The following PIK3C2G variants were observed in gnomAD, a reference collection of about 807,000 sequenced individuals.
PIK3C2G encodes the protein phosphatidylinositol 3-kinase C2 domain-containing subunit gamma.
PIK3C2G carries 168 observed loss-of-function variants against 181.1 expected under a neutral mutation model. That is an observed-to-expected ratio of 0.93 (90% confidence interval 0.82 to 1.05). The LOEUF is 1.05. Ranked by LOEUF, PIK3C2G falls within the 50% of genes least tolerant of loss-of-function variation. PIK3C2G has a pLI of 0.00. For synonymous variants in PIK3C2G, 573 were observed against 592.2 expected (o/e 0.97, Z 0.47); for missense variants, 1,869 against 1,732.8 (o/e 1.08, Z -1.40).
At chr12:18,382,984 C>A (rs972879637) in intron 14 of PIK3C2G, among the ~76,000 whole-genome samples, 1 of 152,150 alleles carries the variant, frequency 6.6e-6, no homozygotes, top group African/African-American at 2.4e-5. Flanking sequence ...CACTTCTAAT[C>A]TGTGGACATG....
At chr12:18,339,264 T>C (rs1428838862) in intron 9 of PIK3C2G, among the ~76,000 whole-genome samples, 2 of 152,202 alleles carry the variant, frequency 1.3e-5, no homozygotes, top group East Asian at 1.9e-4. Flanking sequence ...GATATGATGA[T>C]AATAACTAGC....
intron 29 of PIK3C2G, among the ~76,000 whole-genome samples, chr12:18,578,431 T>C (rs1449044957): frequency 6.6e-6 from 1 of 152,194 alleles, no homozygotes; most frequent in Non-Finnish European, 1.5e-5. Flanking sequence ...AGCAGTGTGA[T>C]CTGACTAATC....
chr12:18,534,815 GA>G (rs148775105), intron 24 of PIK3C2G, among the ~76,000 whole-genome samples: 4,908 of 123,554 alleles, frequency 0.04, 249 homozygotes, highest in African/African-American at 0.13. Flanking sequence ...AGAGAGAGAT[GA>G]AAAAAAAAAA....
chr12:18,334,020 A>G (rs1337457337), intron 8 of PIK3C2G, among the ~76,000 whole-genome samples: 2 of 152,164 alleles, frequency 1.3e-5, no homozygotes, highest in Non-Finnish European at 1.5e-5. Flanking sequence ...AATTAATTCT[A>G]AAGTATTAGC....
chr12:18,682,832 C>T, the PIK3C2G span, among the ~76,000 whole-genome samples: 4 of 152,096 alleles, frequency 2.6e-5, no homozygotes, highest in African/African-American at 7.2e-5. Context: ...TTCCTTCCCA[C>T]AAAAATACGC....
chr12:18,594,443 A>C (rs1364658122), intron 29 of PIK3C2G, 51 bp from the exon 30 acceptor site: 1 of 1,018,858 alleles, frequency 9.8e-7, no homozygotes, highest in Non-Finnish European at 1.4e-6. Flanking sequence ...AATGAATAGC[A>C]GTAACAAATA....
intron 30 of PIK3C2G, among the ~76,000 whole-genome samples, chr12:18,597,063 A>G (rs764489071): frequency 2.9e-4 from 44 of 152,078 alleles, no homozygotes; most frequent in Non-Finnish European, 5.6e-4. Context: ...TTAAAAAATG[A>G]TGAGTTAGAG....
At chr12:18,720,473 T>A in the PIK3C2G span, among the ~76,000 whole-genome samples, 1 of 151,138 alleles carries the variant, frequency 6.6e-6, no homozygotes, top group African/African-American at 2.4e-5. Flanking sequence ...AAAATATCTA[T>A]CAAGCAGAAG....
At chr12:18,424,876 C>T (rs777594965) in intron 18 of PIK3C2G, 5 of 206,182 alleles carry the variant, frequency 2.4e-5, no homozygotes, top group Non-Finnish European at 5.2e-5. Flanking sequence ...TTATACCTAC[C>T]ATTTCCTGTA....
intron 10 of PIK3C2G, among the ~76,000 whole-genome samples, chr12:18,345,228 T>C: frequency 6.9e-6 from 1 of 145,422 alleles, no homozygotes; most frequent in Non-Finnish European, 1.5e-5. Context: ...TCTCTGTTGG[T>C]TGGCCTCCAA....
intron 32 of PIK3C2G, among the ~76,000 whole-genome samples, chr12:18,642,410 C>A (rs1411943897): frequency 5.3e-5 from 8 of 152,154 alleles, no homozygotes; most frequent in Admixed American, 1.3e-4. Context: ...TGTCAAAAAT[C>A]ACTTGGGAAT....
intron 15 of PIK3C2G, 114 bp downstream of exon 15, chr12:18,391,366 T>C (rs1373625797): frequency 1.5e-6 from 1 of 656,776 alleles, no homozygotes; most frequent in East Asian, 3.1e-5. Flanking sequence ...ATAACTGGTT[T>C]CATTTCCTGA....
chr12:18,408,813 G>A (rs1272686960), intron 16 of PIK3C2G, among the ~76,000 whole-genome samples: 2 of 152,144 alleles, frequency 1.3e-5, no homozygotes, highest in Non-Finnish European at 2.9e-5. Context: ...ATCATAACTT[G>A]TCGTTAGAGA....
intron 30 of PIK3C2G, among the ~76,000 whole-genome samples, 179 bp from the exon 31 acceptor site, chr12:18,609,356 C>T (rs959709436): frequency 2.6e-5 from 4 of 152,102 alleles, no homozygotes; most frequent in Non-Finnish European, 5.9e-5. Flanking sequence ...AGATTAGACA[C>T]AAATCCCATC....
At chr12:18,404,851 C>T (rs1468206335) in intron 16 of PIK3C2G, among the ~76,000 whole-genome samples, 1 of 151,726 alleles carries the variant, frequency 6.6e-6, no homozygotes, top group South Asian at 2.1e-4. Flanking sequence ...ACAAATCTGG[C>T]ATCAGTATAA....
the PIK3C2G span, chr12:18,712,989 A>G: frequency 6.2e-7 from 1 of 1,613,820 alleles, no homozygotes; most frequent in African/African-American, 1.3e-5. Flanking sequence ...CAAGGGCACT[A>G]GCAAAATTTC....
chr12:18,496,038 T>C, intron 20 of PIK3C2G, 24 bp from the exon 21 acceptor site: 2 of 1,300,322 alleles, frequency 1.5e-6, no homozygotes, highest in Non-Finnish European at 2.1e-6. Flanking sequence ...TGCTCACTAG[T>C]TTTCCCTTTT....
At chr12:18,321,062 A>G in intron 7 of PIK3C2G, 30 bp downstream of exon 7, 1 of 1,155,164 alleles carries the variant, frequency 8.7e-7, no homozygotes, top group Non-Finnish European at 1.3e-6. Context: ...TTCCAAGACT[A>G]CTTTCTGATT....
chr12:18,303,134 C>CTTTCT (rs771262653), intron 5 of PIK3C2G, among the ~76,000 whole-genome samples: 7 of 142,790 alleles, frequency 4.9e-5, no homozygotes, highest in Non-Finnish European at 1.1e-4. Context: ...TTCTTTCTTT[C>CTTTCT]TTTCTTTTCT....
Sources: gnomAD v4.1 joint callset for allele counts (sites outside exome capture counted in the v4.1 genomes callset) on GRCh38, gnomAD v4.1.1 for gene constraint, MANE v1.5 for transcripts, NCBI Gene and HGNC (gene_info 2026-07-23, HGNC 2026-07-21) for gene names.